CHAF1A: variants seen among roughly 807,000 people sequenced by gnomAD.
The protein encoded by CHAF1A is chromatin assembly factor 1 subunit A.
Under a neutral mutation model 93.2 loss-of-function variants are expected in CHAF1A, and 5 were observed. The observed-to-expected ratio is 0.05, with a 90% CI of 0.03 to 0.11. CHAF1A has a LOEUF of 0.11. CHAF1A is among the 10% of genes least tolerant of loss of function. The pLI, the probability that CHAF1A is intolerant of heterozygous loss-of-function variation, is 1.00. For synonymous variants in CHAF1A, 504 were observed against 510.3 expected, an observed-to-expected ratio of 0.99 and a Z score of 0.17; for missense variants, 1,102 against 1,259.9, an observed-to-expected ratio of 0.87 and a Z score of 1.90.
chr19:4,424,774 A>G (rs773203364), intron 7 of CHAF1A, among the ~76,000 whole-genome samples: 2 of 152,162 alleles, frequency 1.3e-5, no homozygotes, highest in Non-Finnish European at 2.9e-5. Flanking sequence ...AGCTGGGATT[A>G]CAGGCACATG....
Position 4,432,169 on chromosome 19 carries a change from C to G in CHAF1A, c.2165C>G (p.Thr722Arg). The change falls in exon 12 of 15, where the codon ACG (threonine) becomes AGG (arginine). Residue 722 changes from threonine to arginine, a missense_variant. Physicochemically the swap from Thr to Arg is moderately conservative, Grantham distance 71 (BLOSUM62 -1). This residue lies in a region of CHAF1A where 335 missense variants were observed against 361.9 expected (regional missense o/e 0.93). Transcript: ENST00000301280. ...LETLPAQEEQ[T>R]PKASKRERRD... is the part of the protein sequence containing the mutation. ...ACCCTGCCGGCCCAGGAGGAGCAGA[C>G]GCCCAAGGCCTCCAAGCGGGAGAGG... The G allele has an allele frequency of 6.2e-7, 1 of 1,611,452 alleles. No homozygotes were observed. Among genetic ancestry groups the G allele is most frequent in the East Asian group, 2.2e-5 (1 of 44,774 alleles).
intron 2 of CHAF1A, among the ~76,000 whole-genome samples, chr19:4,408,337 C>A (rs1360381835): frequency 6.6e-6 from 1 of 151,658 alleles, no homozygotes; most frequent in Non-Finnish European, 1.5e-5. Flanking sequence ...GGAATGCAGG[C>A]GCCCGCCACC....
chr19:4,408,392 C>G (rs1051363185), intron 2 of CHAF1A, among the ~76,000 whole-genome samples: 3 of 149,164 alleles, frequency 2.0e-5, no homozygotes, highest in African/African-American at 7.4e-5. Context: ...CGGGGTTTCA[C>G]CGTGTTAGCC....
In CHAF1A at chr19:4,423,658, G is replaced by T. The variant is rs867024503; in HGVS notation, c.1309-148G>T. 38 of 940,994 alleles carry T rather than the reference G, an allele frequency of 4.0e-5. No homozygotes were observed. In the Middle Eastern group the frequency reaches 1.5e-3, roughly 38 times the overall value. 58.3% of individuals were successfully genotyped at this position (940,994 alleles called of 1,614,324 possible). ...TTTTGAGATTGGCTGGCTCAGTTGC[G>T]GGTCCGTGGGTTTTGAGAGCTGAAA... On this transcript the variant is annotated intron_variant, in intron 6 of 14. Transcript: ENST00000301280.
chr19:4,446,355 C>A, downstream of CHAF1A: 1 of 1,571,940 alleles, frequency 6.4e-7, no homozygotes, highest in Admixed American at 1.8e-5. Context: ...CCCCGCTGCT[C>A]CTCCTTCTCC....
chr19:4,430,246 C>T (rs564534892), intron 10 of CHAF1A: 57 of 363,032 alleles, frequency 1.6e-4, no homozygotes, highest in South Asian at 1.1e-3. Context: ...GGCGCGATTT[C>T]GGCTCACTGC....
At chr19:4,429,810 C>T in intron 10 of CHAF1A, 22 bp downstream of exon 10, 2 of 1,598,044 alleles carry the variant, frequency 1.3e-6, no homozygotes, top group Non-Finnish European at 1.7e-6. Flanking sequence ...CCCCAGCTGT[C>T]TTCACTCACA....
At chr19:4,413,321 C>T (rs536144295) in intron 3 of CHAF1A, among the ~76,000 whole-genome samples, 4 of 152,218 alleles carry the variant, frequency 2.6e-5, no homozygotes, top group South Asian at 4.1e-4. Flanking sequence ...CCGCCCGCCT[C>T]GGCCTCCCAA....
chr19:4,414,680 G>A (rs1973867196), intron 3 of CHAF1A, among the ~76,000 whole-genome samples: 1 of 152,154 alleles, frequency 6.6e-6, no homozygotes, highest in South Asian at 2.1e-4. Flanking sequence ...GTGTGGACAT[G>A]CTGTAGGTTA....
chr19:4,422,092 C>T lies in CHAF1A; in HGVS notation c.1018-474C>T, dbSNP rs901654228. 2.6e-5 allele frequency among the ~76,000 whole-genome samples: 4 copies of T among 152,042 alleles called. No homozygotes were observed. The highest frequency in any genetic ancestry group is 5.9e-5 in the Non-Finnish European group (4 of 68,006). ...TGGCACCGTGTTGGCTCACTGCAAC[C>T]TCCGTCTCCTGGTTTCAAGCAATTC... On this transcript the variant is annotated intron_variant, in intron 4 of 14. Transcript: ENST00000301280. The surrounding 1 kb of genome is among the most constrained non-coding windows in gnomAD (Gnocchi z 4.6).
chr19:4,412,539 C>T (rs893762429), intron 3 of CHAF1A, among the ~76,000 whole-genome samples: 2 of 151,776 alleles, frequency 1.3e-5, no homozygotes, highest in Non-Finnish European at 2.9e-5. Flanking sequence ...AACAAAACTC[C>T]GTCTCAAGAA....
intron 13 of CHAF1A, among the ~76,000 whole-genome samples, chr19:4,441,702 C>A (rs1974392513): frequency 6.6e-6 from 1 of 151,806 alleles, no homozygotes; most frequent in Non-Finnish European, 1.5e-5. Flanking sequence ...GTCAGGAGAT[C>A]AAGACCATCC....
At chr19:4,412,335 G>A (rs553581442) in intron 3 of CHAF1A, among the ~76,000 whole-genome samples, 24 of 152,318 alleles carry the variant, frequency 1.6e-4, no homozygotes, top group African/African-American at 5.5e-4. Flanking sequence ...CTAAGGTCGA[G>A]AGTTCAAGAC....
chr19:4,434,292 G>A (rs577623351), intron 13 of CHAF1A, among the ~76,000 whole-genome samples: 3 of 152,162 alleles, frequency 2.0e-5, no homozygotes, highest in Non-Finnish European at 4.4e-5. Flanking sequence ...GCTGCAGTGA[G>A]CTATGATCAT....
chr19:4,442,299 G>A lies in CHAF1A; in HGVS notation c.2728G>A (p.Glu910Lys). Residue 910 changes from glutamate (E) to lysine (K), a missense_variant, in exon 14 of 15, where the codon GAG becomes AAG. Transcript: ENST00000301280. ...GGCAGACACGGAGGAGGAGGAAGAGGAGGAGGGCGACTGTATGATCGTGGA... is the reference window on the plus strand; with the variant it reads ...GGCAGACACGGAGGAGGAGGAAGAGAAGGAGGGCGACTGTATGATCGTGGA... ...FQADTEEEEE[E>K]EGDCMIVDVP... 1.2e-6 allele frequency: 2 copies of A among 1,612,432 alleles called. No individual in the cohort carries two copies. Among genetic ancestry groups the A allele is most frequent in the South Asian group, 1.1e-5 (1 of 90,678 alleles).
At chr19:4,407,015 A>G (rs1194970741) in intron 2 of CHAF1A, among the ~76,000 whole-genome samples, 4 of 152,060 alleles carry the variant, frequency 2.6e-5, no homozygotes, top group Non-Finnish European at 5.9e-5. Flanking sequence ...TGAGCTCAGG[A>G]GTTTGAAACC....
At chr19:4,408,828 A>G (rs2145068016) in intron 2 of CHAF1A, 75 bp from the exon 3 acceptor site, 1 of 1,514,446 alleles carries the variant, frequency 6.6e-7, no homozygotes. Context: ...GTCCCAACAA[A>G]TCAGTAATTT....
At chr19:4,445,833 C>T (rs1568187566), downstream of CHAF1A, 12 of 1,041,546 alleles carry the variant, frequency 1.2e-5, no homozygotes, top group East Asian at 2.6e-5. Context: ...CGCACGTCAC[C>T]GCTCCCATTT....
rs769775978 is a variant in CHAF1A at position 4,429,555 on chromosome 19, G to C, written c.1722G>C (p.Trp574Cys). 5 of 1,614,026 alleles carry C rather than the reference G, an allele frequency of 3.1e-6. No individual in the cohort carries two copies. In the South Asian group the frequency reaches 4.4e-5, roughly 14 times the overall value. The change falls in exon 9 of 15, where the codon TGG (tryptophan) becomes TGC (cysteine). Residue 574 changes from tryptophan to cysteine, a missense_variant. Physicochemically the swap from Trp to Cys is radical, Grantham distance 215. Transcript: ENST00000301280. ...ACCGGCCTGCCTACTGGGGTACCTG[G>C]AATAAGAAGACGGCACTCATCCGCG... is the stretch of plus-strand genomic sequence containing the variant. ...ENHRPAYWGT[W>C]NKKTALIRAR...
Sources: allele counts gnomAD v4.1 joint callset (sites outside exome capture counted in the v4.1 genomes callset), GRCh38; gene constraint gnomAD v4.1.1; regional missense constraint gnomAD v4.1.1; non-coding constraint Gnocchi (gnomAD v3.1); transcripts MANE v1.5; gene names NCBI Gene and HGNC (gene_info 2026-07-23, HGNC 2026-07-21).